The following NKAPD1 variants were observed in gnomAD, a reference collection of about 807,000 sequenced individuals.
NKAPD1 encodes uncharacterized protein NKAPD1.
Under a neutral mutation model 30.9 loss-of-function variants are expected in NKAPD1, and 12 were observed. That is an observed-to-expected ratio of 0.39 (90% CI 0.25 to 0.63). The LOEUF is 0.63. Among genes scored for constraint, NKAPD1 ranks in the 20% least tolerant of loss-of-function variants. The pLI, the probability that NKAPD1 is intolerant of heterozygous loss-of-function variation, is 0.51. For synonymous variants in NKAPD1, 91 were observed against 113.6 expected, an observed-to-expected ratio of 0.80 and a Z score of 1.26; for missense variants, 311 against 344.5, an observed-to-expected ratio of 0.90 and a Z score of 0.77.
intron 3 of NKAPD1, 80 bp from the exon 4 acceptor site, chr11:112,080,329 T>C: frequency 2.2e-6 from 3 of 1,386,924 alleles, no homozygotes; most frequent in Non-Finnish European, 3.0e-6. Context: ...GCTTGTTCCA[T>C]GAGTTTTGTG....
At chr11:112,076,823 AGAT>A (rs1286504444) in intron 2 of NKAPD1, among the ~76,000 whole-genome samples, 1 of 152,206 alleles carries the variant, frequency 6.6e-6, no homozygotes, top group African/African-American at 2.4e-5. Context: ...GTGACTGGGT[AGAT>A]GATGACAATT....
intron 5 of NKAPD1, 146 bp from the exon 6 acceptor site, chr11:112,082,319 A>G (rs1692735091): frequency 2.6e-6 from 2 of 776,144 alleles, no homozygotes; most frequent in East Asian, 2.8e-5. Context: ...AAACTCAATG[A>G]GAATATTAAA....
intron 4 of NKAPD1, chr11:112,081,646 A>AAAC (rs1338483555): frequency 4.9e-6 from 1 of 203,630 alleles, no homozygotes; most frequent in African/African-American, 2.4e-5. Context: ...AAAAAAAAAA[A>AAAC]ATTGTCCCCA....
Position 112,074,758 on chromosome 11 carries a change from G to A in NKAPD1, c.-167G>A, listed in dbSNP as rs1028458446. 3.1e-5 allele frequency: 11 copies of A among 351,518 alleles called. No individual in the cohort carries two copies. Among genetic ancestry groups the A allele is most frequent in the African/African-American group, 1.9e-4 (9 of 47,852 alleles). The allele number at this position is 351,518 out of a possible 1,614,324, so 21.8% of individuals were successfully genotyped here. A position where few individuals can be genotyped will look rare whatever the true frequency, so the allele number is the denominator to read the frequency against. ...GGCCTGGGCCACAGGTGAGGGCAGA[G>A]TAACCAGTGGGAAGGCTGCGTTTTC... On this transcript the variant is annotated 5_prime_UTR_variant, in exon 1 of 6. Coordinates refer to ENST00000393047, the MANE Select transcript of NKAPD1 (RefSeq NM_018195.4).
rs368527433 is a variant in NKAPD1, at chr11:112,082,527, A to G, written c.437A>G (p.His146Arg). 4 of 1,610,828 alleles carry G rather than the reference A, an allele frequency of 2.5e-6. No homozygotes were observed. Among genetic ancestry groups the G allele is most frequent in the Non-Finnish European group, 3.4e-6 (4 of 1,179,474 alleles). ...KTSPQVKSST[H>R]ESRKHKKSKK... is the part of the protein sequence containing the mutation. ...TCTCCCCAGGTAAAGTCATCTACCC[A>G]TGAATCCCGCAAACACAAGAAGTCA... The change falls in exon 6 of 6, where the codon CAT becomes CGT. Residue 146 changes from histidine to arginine, a missense_variant. His to Arg is a conservative substitution (Grantham distance 29, BLOSUM62 0). Transcript: ENST00000393047.
intron 2 of NKAPD1, among the ~76,000 whole-genome samples, chr11:112,076,782 G>C (rs547278740): frequency 2.0e-5 from 3 of 152,344 alleles, no homozygotes; most frequent in Admixed American, 2.0e-4. Context: ...TGAGATTCCT[G>C]TTGTTCAAGG....
rs1427370810 is a variant in NKAPD1 at position 112,075,748 on chromosome 11, T to C, written c.69+105T>C. 4.9e-6 allele frequency: 6 copies of C among 1,232,818 alleles called. No individual in the cohort carries two copies. The African/African-American group carries it at 9.2e-5, about 19-fold the overall frequency. The allele number at this position is 1,232,818 out of a possible 1,614,324, so 76.4% of individuals were successfully genotyped here. On this transcript the variant is annotated intron_variant, in intron 2 of 5. Transcript: ENST00000393047. Reference sequence around the variant, plus strand: ...AGATACAAAGAATATTCTTGTCATCTAGTTTTTGGAAGCTTCCGTACACAG... The same window carrying C: ...AGATACAAAGAATATTCTTGTCATCCAGTTTTTGGAAGCTTCCGTACACAG...
At chr11:112,082,166 T>C (rs1865467220) in intron 5 of NKAPD1, 131 bp downstream of exon 5, 1 of 806,820 alleles carries the variant, frequency 1.2e-6, no homozygotes, top group African/African-American at 1.7e-5. Flanking sequence ...GTGATTTAGT[T>C]AGGAGGTGAT....
In NKAPD1 at chr11:112,083,198, TA is replaced by T. The variant is rs3839946; in HGVS notation, c.*227del. 177,016 of 369,144 alleles carry T rather than the reference TA, an allele frequency of 0.48. 38,601 individuals are homozygous for T. Among genetic ancestry groups the T allele is most frequent in the Non-Finnish European group, 0.54 (111,033 of 206,396 alleles). The allele number at this position is 369,144 out of a possible 1,614,324, so 22.9% of individuals were successfully genotyped here. On this transcript the variant is annotated 3_prime_UTR_variant, in exon 6 of 6. Coordinates refer to ENST00000393047, the MANE Select transcript of NKAPD1 (RefSeq NM_018195.4). The stretch of plus-strand genomic sequence containing the variant: ...TGTTATGAAGGTTTCTTGAAGAGAT[TA>T]TTTTTTTTTGCAATTAATTACGTTT...
At chr11:112,079,452 A>G (rs1397642263) in intron 3 of NKAPD1, among the ~76,000 whole-genome samples, 1 of 152,076 alleles carries the variant, frequency 6.6e-6, no homozygotes, top group Non-Finnish European at 1.5e-5. Context: ...TGGCCCCTTA[A>G]AAATTTTTGA....
At position 112,080,466 on chromosome 11, in the gene NKAPD1, G is replaced by T. The variant is rs1455715653; in HGVS notation, c.228G>T (p.Lys76Asn). ...EESQRYYWRPKNEISGTLEDD... is the reference protein window; with the variant it reads ...EESQRYYWRPNNEISGTLEDD... ...GTCAAAGATACTATTGGAGGCCAAA[G>T]AATGAAATTTCTGGGACACTGGAAG... Residue 76 changes from lysine to asparagine, a missense_variant, in exon 4 of 6, where the codon AAG becomes AAT. Coordinates refer to ENST00000393047, the MANE Select transcript of NKAPD1 (RefSeq NM_018195.4). 2 of 1,614,042 alleles carry T rather than the reference G, an allele frequency of 1.2e-6. No homozygotes were observed. Among genetic ancestry groups the T allele is most frequent in the East Asian group, 2.2e-5 (1 of 44,866 alleles).
At position 112,083,044 on chromosome 11, in the gene NKAPD1, A is replaced by G; in HGVS notation, c.*72A>G. On this transcript the variant is annotated 3_prime_UTR_variant, in exon 6 of 6. Coordinates refer to ENST00000393047, the MANE Select transcript of NKAPD1 (RefSeq NM_018195.4). ...CTTACTCCTTGTGGTTTTGCCAGTG[A>G]CTCTTGTTCAGCACGGGGCCTGAGG... 4.7e-6 allele frequency: 7 copies of G among 1,493,604 alleles called. No homozygotes were observed. The highest frequency in any genetic ancestry group is 6.2e-6 in the Non-Finnish European group (7 of 1,120,782). 92.5% of individuals were successfully genotyped at this position (1,493,604 alleles called of 1,614,324 possible).
At chr11:112,076,186 A>G (rs929700588) in intron 2 of NKAPD1, among the ~76,000 whole-genome samples, 2 of 152,220 alleles carry the variant, frequency 1.3e-5, no homozygotes, top group African/African-American at 4.8e-5. Flanking sequence ...GAAGCCATCA[A>G]ATGTTTTTAA....
At chr11:112,076,629 TTATAG>T (rs1450525119) in intron 2 of NKAPD1, among the ~76,000 whole-genome samples, 1 of 152,348 alleles carries the variant, frequency 6.6e-6, no homozygotes, top group Non-Finnish European at 1.5e-5. Flanking sequence ...TACTGTATTC[TTATAG>T]TAAAGTAGCT....
intron 5 of NKAPD1, 179 bp downstream of exon 5, chr11:112,082,214 C>A: frequency 1.4e-6 from 1 of 704,692 alleles, no homozygotes; most frequent in Non-Finnish European, 2.3e-6. Context: ...TTTGGCATGT[C>A]TGTAAGCATT....
rs1379606708 is a variant in NKAPD1 at position 112,081,970 on chromosome 11, G to A, written c.321-12G>A. On this transcript the variant is annotated splice_polypyrimidine_tract_variant and intron_variant, in intron 4 of 5. Coordinates refer to ENST00000393047, the MANE Select transcript of NKAPD1 (RefSeq NM_018195.4). Reference sequence around the variant, plus strand: ...ATTGCTTTAACAATACATGTGATGTGTCATATTACAGATGGGGTCACAGTG... The same window carrying A: ...ATTGCTTTAACAATACATGTGATGTATCATATTACAGATGGGGTCACAGTG... The A allele has an allele frequency of 8.1e-6, 13 of 1,609,818 alleles. No homozygotes were observed. The highest frequency in any genetic ancestry group is 6.7e-5 in the East Asian group (3 of 44,740).
In NKAPD1 at chr11:112,074,564, C is replaced by A; in HGVS notation, c.-361C>A. On this transcript the variant is annotated 5_prime_UTR_variant, in exon 1 of 6. Coordinates refer to ENST00000393047, the MANE Select transcript of NKAPD1 (RefSeq NM_018195.4). The stretch of plus-strand genomic sequence containing the variant: ...GAAGGCCGTAGCCATCCAAAGCGTT[C>A]CCAGCCTTTCTGGGGAGTGAAACTT... The A allele has an allele frequency of 2.5e-6, 1 of 398,860 alleles. No homozygotes were observed. Among genetic ancestry groups the A allele is most frequent in the South Asian group, 1.3e-4 (1 of 7,820 alleles). The allele number at this position is 398,860 out of a possible 1,614,324, so 24.7% of individuals were successfully genotyped here. A position where few individuals can be genotyped will look rare whatever the true frequency, so the allele number is the denominator to read the frequency against.
intron 1 of NKAPD1, among the ~76,000 whole-genome samples, chr11:112,075,298 TAAATA>T (rs994097891): frequency 6.6e-6 from 1 of 152,236 alleles, no homozygotes; most frequent in Non-Finnish European, 1.5e-5. Context: ...TTATGAGGAT[TAAATA>T]AAATGGTGCT....
chr11:112,081,899 A>C, intron 4 of NKAPD1, 83 bp from the exon 5 acceptor site: 5 of 1,084,180 alleles, frequency 4.6e-6, no homozygotes, highest in Non-Finnish European at 7.1e-6. Flanking sequence ...GTATGCATGT[A>C]CTCCAAAGTC....
Sources: gnomAD v4.1 joint callset for allele counts (sites outside exome capture counted in the v4.1 genomes callset) on GRCh38, gnomAD v4.1.1 for gene constraint, MANE v1.5 for transcripts, NCBI Gene and HGNC (gene_info 2026-07-23, HGNC 2026-07-21) for gene names.